The following PELP1 variants were observed in gnomAD, a reference collection of about 807,000 sequenced individuals.
The protein encoded by PELP1 is proline-, glutamic acid- and leucine-rich protein 1.
PELP1 carries 32 observed loss-of-function variants against 95.5 expected under a neutral mutation model. The observed-to-expected ratio is 0.34, with a 90% CI of 0.25 to 0.45. The LOEUF (loss-of-function observed/expected upper bound fraction) is 0.45, where lower values mean the gene tolerates loss of function less well. PELP1 is among the 20% of genes least tolerant of loss of function. The pLI is 1.00. For synonymous variants in PELP1, 668 were observed against 600.1 expected (o/e 1.11, Z -1.65); for missense variants, 1,358 against 1,444.8 (o/e 0.94, Z 0.97).
rs753783698 is a variant in PELP1, at chr17:4,682,498, T to C, written c.642+4A>G. 1.3e-6 allele frequency: 2 copies of C among 1,597,390 alleles called. No homozygotes were observed. Among genetic ancestry groups the C allele is most frequent in the East Asian group, 2.2e-5 (1 of 44,816 alleles). On this transcript the variant is annotated splice_donor_region_variant and intron_variant, in intron 5 of 16. Coordinates refer to ENST00000572293, the MANE Select transcript of PELP1 (RefSeq NM_014389.3). ...GGTGGGGAGAAGAGTGCATAAATAC[T>C]TACTTTGAGAGAACCACAAGCCCGA... is the stretch of plus-strand genomic sequence containing the variant.
chr17:4,679,946 C>T (rs2150556513), intron 5 of PELP1, among the ~76,000 whole-genome samples: 1 of 152,314 alleles, frequency 6.6e-6, no homozygotes, highest in East Asian at 1.9e-4. Flanking sequence ...CTGATCACAG[C>T]GCTCAGGCCG....
chr17:4,678,414 A>G (rs1034615032), intron 5 of PELP1, among the ~76,000 whole-genome samples: 1 of 152,102 alleles, frequency 6.6e-6, no homozygotes, highest in Non-Finnish European at 1.5e-5. Flanking sequence ...GTTCAAGGTT[A>G]CAGTGAGCTA....
chr17:4,701,215 A>C (rs1163471451), intron 1 of PELP1, among the ~76,000 whole-genome samples: 1 of 152,074 alleles, frequency 6.6e-6, no homozygotes, highest in East Asian at 1.9e-4. Context: ...GAAATAAATA[A>C]ACAGACAGTA....
chr17:4,681,524 A>G (rs1200566009), intron 5 of PELP1, among the ~76,000 whole-genome samples: 4 of 151,490 alleles, frequency 2.6e-5, no homozygotes, highest in African/African-American at 4.9e-5. Context: ...TAAAATGGCC[A>G]GGCGCAGTAG....
At chr17:4,700,097 C>G (rs1023676612) in intron 1 of PELP1, among the ~76,000 whole-genome samples, 5 of 151,460 alleles carry the variant, frequency 3.3e-5, no homozygotes, top group African/African-American at 1.2e-4. Flanking sequence ...TTAATACAGA[C>G]GGGGTCACCA....
At chr17:4,693,260 A>G (rs202139631) in intron 1 of PELP1, among the ~76,000 whole-genome samples, 2 of 152,172 alleles carry the variant, frequency 1.3e-5, no homozygotes, top group Non-Finnish European at 1.5e-5. Flanking sequence ...AGCATCATTC[A>G]TAATAACCAA....
At chr17:4,679,139 C>A (rs1912606176) in intron 5 of PELP1, among the ~76,000 whole-genome samples, 1 of 151,980 alleles carries the variant, frequency 6.6e-6, no homozygotes, top group Non-Finnish European at 1.5e-5. Flanking sequence ...GGATCTCCTG[C>A]CTCAATGTTC....
chr17:4,675,293 G>A lies in PELP1; in HGVS notation c.1138C>T (p.Leu380=). 6.4e-7 allele frequency: 1 copy of A among 1,572,490 alleles called. No homozygotes were observed. The highest frequency in any genetic ancestry group is 1.2e-5 in the South Asian group (1 of 85,896). ...PSIHLEALDL[L]SALILACGSR... ...ACTCACGCGAGGATGAGTGCAGACA[G>A]CAGGTCCAAGGCCTCAAGGTGGATA... The change falls in exon 10 of 17, where the codon CTG becomes TTG. Residue 380 remains leucine (L), a synonymous_variant. Coordinates refer to ENST00000572293, the MANE Select transcript of PELP1 (RefSeq NM_014389.3). The surrounding 1 kb of genome is among the most constrained non-coding windows in gnomAD (Gnocchi z 4.3).
At chr17:4,683,506 A>AC (rs1567664430) in intron 3 of PELP1, among the ~76,000 whole-genome samples, 2 of 129,008 alleles carry the variant, frequency 1.6e-5, no homozygotes, top group Non-Finnish European at 3.3e-5. Flanking sequence ...GGTGTGAGCC[A>AC]TCACGCCCAG....
chr17:4,691,146 A>C lies in PELP1; in HGVS notation c.315-153T>G, dbSNP rs1002822008. On this transcript the variant is annotated intron_variant, in intron 2 of 16. Transcript: ENST00000572293. Reference sequence around the variant, plus strand: ...GAAATACTTGGAATGAGGTGGAAGAAGCAAAGAAAGAAGGGAGCAGAGGTA... The same window carrying C: ...GAAATACTTGGAATGAGGTGGAAGACGCAAAGAAAGAAGGGAGCAGAGGTA... The C allele has an allele frequency of 3.2e-5, 21 of 664,518 alleles. No individual in the cohort carries two copies. The African/African-American group carries it at 3.3e-4, about 10-fold the overall frequency. 41.2% of individuals were successfully genotyped at this position (664,518 alleles called of 1,614,324 possible). A position where few individuals can be genotyped will look rare whatever the true frequency, so the allele number is the denominator to read the frequency against.
intron 13 of PELP1, 128 bp downstream of exon 13, chr17:4,674,382 G>A (rs576677565): frequency 3.1e-5 from 25 of 805,382 alleles, no homozygotes; most frequent in East Asian, 5.4e-5. Flanking sequence ...CGCAGTGGAC[G>A]AAGGCTGGTC....
intron 1 of PELP1, among the ~76,000 whole-genome samples, chr17:4,694,314 C>T (rs534994223): frequency 5.9e-5 from 9 of 151,884 alleles, no homozygotes; most frequent in African/African-American, 1.9e-4. Context: ...AATGACCGCA[C>T]AACTCTGCAA....
intron 1 of PELP1, among the ~76,000 whole-genome samples, chr17:4,699,961 G>A (rs189143466): frequency 1.5e-5 from 2 of 136,582 alleles, no homozygotes; most frequent in East Asian, 4.6e-4. Flanking sequence ...AGAGTGCAGA[G>A]GCGCGATCTC....
At chr17:4,699,760 C>T (rs1048991336) in intron 1 of PELP1, among the ~76,000 whole-genome samples, 3 of 151,782 alleles carry the variant, frequency 2.0e-5, no homozygotes, top group Non-Finnish European at 2.9e-5. Context: ...CTAATTTTTG[C>T]ATTTTTAGTA....
Position 4,676,891 on chromosome 17 carries a change from A to G in PELP1, c.643-79T>C, listed in dbSNP as rs1912504131. 1.0e-5 allele frequency: 11 copies of G among 1,083,340 alleles called. No homozygotes were observed. In the South Asian group the frequency reaches 1.5e-4, roughly 15 times the overall value. 67.1% of individuals were successfully genotyped at this position (1,083,340 alleles called of 1,614,324 possible). A position where few individuals can be genotyped will look rare whatever the true frequency, so the allele number is the denominator to read the frequency against. On this transcript the variant is annotated intron_variant, in intron 5 of 16. Coordinates refer to ENST00000572293, the MANE Select transcript of PELP1 (RefSeq NM_014389.3). ...GATGTACATCCCATCCGTTCCCAGC[A>G]GCAGACTCTAAGCCCAGGTCTCTTT...
intron 1 of PELP1, among the ~76,000 whole-genome samples, chr17:4,696,293 A>T (rs1230423280): frequency 6.6e-6 from 1 of 152,214 alleles, no homozygotes; most frequent in Non-Finnish European, 1.5e-5. Context: ...GATCGCCACC[A>T]CTACACTCCA....
At chr17:4,695,665 CT>C (rs201640677) in intron 1 of PELP1, among the ~76,000 whole-genome samples, 1,231 of 45,188 alleles carry the variant, frequency 0.027, 44 homozygotes, top group African/African-American at 0.074. Flanking sequence ...GACCCTCTCT[CT>C]TAAAAAAAAA....
intron 3 of PELP1, among the ~76,000 whole-genome samples, chr17:4,686,737 C>T (rs1280329236): frequency 1.3e-5 from 2 of 152,052 alleles, no homozygotes; most frequent in African/African-American, 2.4e-5. Flanking sequence ...AGGCTGGTCT[C>T]GAACTCCCGA....
chr17:4,691,560 G>T, intron 1 of PELP1, 118 bp from the exon 2 acceptor site: 1 of 735,664 alleles, frequency 1.4e-6, no homozygotes, highest in Non-Finnish European at 2.4e-6. Context: ...CATCTCCTCT[G>T]AGGCCAAAAG....
Sources: gnomAD v4.1 joint callset for allele counts (sites outside exome capture counted in the v4.1 genomes callset) on GRCh38, gnomAD v4.1.1 for gene constraint, Gnocchi (gnomAD v3.1) non-coding constraint, MANE v1.5 for transcripts, NCBI Gene and HGNC (gene_info 2026-07-23, HGNC 2026-07-21) for gene names.